Variants in CERS5 observed in about 807,000 individuals in gnomAD.
The protein encoded by CERS5 is ceramide synthase 5.
A neutral mutation model predicts 58.9 loss-of-function variants in CERS5; 37 were observed. The ratio of observed to expected loss-of-function variants is 0.63; its 90% CI spans 0.48 to 0.83. The LOEUF is 0.83. Among genes scored for constraint, CERS5 ranks in the 40% least tolerant of loss-of-function variants. The probability of loss-of-function intolerance (pLI) is 0.00; values close to 1 mark genes in which losing one functional copy is unlikely to be tolerated. For synonymous variants in CERS5, 147 were observed against 177.8 expected (o/e 0.83, Z 1.38); for missense variants, 398 against 489.3 (o/e 0.81, Z 1.76).
chr12:50,159,117 A>T (rs975307501), intron 1 of CERS5, among the ~76,000 whole-genome samples: 6 of 152,098 alleles, frequency 3.9e-5, no homozygotes, highest in Admixed American at 2.6e-4. Flanking sequence ...GTCAGGAGAT[A>T]GAGACCATCC....
intron 1 of CERS5, among the ~76,000 whole-genome samples, chr12:50,157,375 G>GA (rs978463259): frequency 2.9e-4 from 44 of 150,236 alleles, no homozygotes; most frequent in South Asian, 6.3e-4. Flanking sequence ...AGGAAAATTA[G>GA]AAAAAAAAAC....
intron 9 of CERS5, chr12:50,132,951 GATACACTTAC>G: frequency 7.8e-7 from 1 of 1,288,996 alleles, no homozygotes; most frequent in Non-Finnish European, 1.0e-6. Flanking sequence ...TAGAAGCACA[GATACACTTAC>G]ATGCAAGAGA....
chr12:50,162,766 G>A (rs927474841), intron 1 of CERS5, among the ~76,000 whole-genome samples: 1 of 152,106 alleles, frequency 6.6e-6, no homozygotes, highest in African/African-American at 2.4e-5. Context: ...ATCACGCCCA[G>A]CTAATTTTTG....
At position 50,136,040 on chromosome 12, in the gene CERS5, C is replaced by A; in HGVS notation, c.666G>T (p.Leu222Phe). 1 of 1,503,526 alleles carries A rather than the reference C, an allele frequency of 6.7e-7. No homozygotes were observed. 93.1% of individuals were successfully genotyped at this position (1,503,526 alleles called of 1,614,324 possible). Residue 222 changes from leucine (L) to phenylalanine (F), a missense_variant, in exon 7 of 10, where the codon TTG (leucine) becomes TTT (phenylalanine). Leu to Phe is a conservative substitution (Grantham distance 22). Transcript: ENST00000317551. ...KDFLIMFVHH[L>F]VTIGLISFSY... ...AGAAGGAGATAAGCCCAATGGTGAC[C>A]AAGTGATGCACAAACATGATCAGGA...
chr12:50,154,917 G>A (rs1250743926), intron 1 of CERS5, among the ~76,000 whole-genome samples: 2 of 152,108 alleles, frequency 1.3e-5, no homozygotes, highest in African/African-American at 4.8e-5. Context: ...GGAGTGCAGT[G>A]GCGCTATCTT....
intron 9 of CERS5, among the ~76,000 whole-genome samples, chr12:50,131,415 C>T (rs530367454): frequency 7.9e-5 from 12 of 151,760 alleles, no homozygotes; most frequent in East Asian, 2.0e-4. Flanking sequence ...AAAAATTAGC[C>T]GGGTGTGGTG....
chr12:50,133,848 C>T, intron 9 of CERS5: 10 of 754,592 alleles, frequency 1.3e-5, no homozygotes, highest in Non-Finnish European at 1.6e-5. Context: ...CCAAGGTGGG[C>T]AGATCACAAG....
intron 1 of CERS5, among the ~76,000 whole-genome samples, chr12:50,148,918 AAAAAAAAAAATAT>A (rs1478218207): frequency 9.8e-6 from 1 of 101,678 alleles, no homozygotes; most frequent in African/African-American, 4.1e-5. Flanking sequence ...AAAAAAAAAA[AAAAAAAAAAATAT>A]ATATATATAT....
intron 1 of CERS5, among the ~76,000 whole-genome samples, chr12:50,148,094 G>A (rs1010919884): frequency 2.0e-5 from 3 of 151,958 alleles, no homozygotes; most frequent in Admixed American, 6.6e-5. Flanking sequence ...CTTGAGCCCA[G>A]GAGTTTGAGA....
At chr12:50,161,515 G>C (rs903435350) in intron 1 of CERS5, among the ~76,000 whole-genome samples, 4 of 152,062 alleles carry the variant, frequency 2.6e-5, no homozygotes, top group Admixed American at 6.6e-5. Flanking sequence ...GGTGGCTCAC[G>C]CCTGTAATCC....
At chr12:50,155,736 CAAAAAAAAAAAAA>C (rs146913126) in intron 1 of CERS5, among the ~76,000 whole-genome samples, 1 of 21,476 alleles carries the variant, frequency 4.7e-5, no homozygotes, top group African/African-American at 2.0e-4. Context: ...GACTCCATCT[CAAAAAAAAAAAAA>C]AAAAAAAAAA....
chr12:50,141,960 A>AAAAAAAAAAAAAACT, intron 4 of CERS5, 93 bp downstream of exon 4: 2 of 768,518 alleles, frequency 2.6e-6, no homozygotes, highest in Non-Finnish European at 4.2e-6. Flanking sequence ...AAAAAAAAAG[A>AAAAAAAAAAAAAACT]AAAGAAAAAA....
Position 50,167,172 on chromosome 12 carries a change from G to C in CERS5, c.126C>G (p.Pro42=). 6.2e-7 allele frequency: 1 copy of C among 1,601,980 alleles called. No individual in the cohort carries two copies. Residue 42 remains proline (P), a synonymous_variant, in exon 1 of 10, where the codon CCC becomes CCG. Transcript: ENST00000317551. ...LEGPADGYGY[P]RGRHILSVFP... is the part of the protein sequence containing the mutation. ...ACACCGAGAGGATGTGCCGGCCGCGGGGGTAACCGTAGCCGTCGGCCGGCC... is the reference window on the plus strand; with the variant it reads ...ACACCGAGAGGATGTGCCGGCCGCGCGGGTAACCGTAGCCGTCGGCCGGCC...
chr12:50,130,482 A>C lies in CERS5; in HGVS notation c.*63T>G. 1 of 1,428,344 alleles carries C rather than the reference A, an allele frequency of 7.0e-7. No homozygotes were observed. The highest frequency in any genetic ancestry group is 9.5e-7 in the Non-Finnish European group (1 of 1,054,030). The allele number at this position is 1,428,344 out of a possible 1,614,324, so 88.5% of individuals were successfully genotyped here. A position where few individuals can be genotyped will look rare whatever the true frequency, so the allele number is the denominator to read the frequency against. On this transcript the variant is annotated 3_prime_UTR_variant, in exon 10 of 10. Transcript: ENST00000317551. Reference sequence around the variant, plus strand: ...AGAAGAGTAGATATGGGAAGGGCCAAGAGGAGTATGTTGCCAGTGGCCCTA... The same window carrying C: ...AGAAGAGTAGATATGGGAAGGGCCACGAGGAGTATGTTGCCAGTGGCCCTA...
chr12:50,138,687 A>C, intron 4 of CERS5, 70 bp from the exon 5 acceptor site: 1 of 1,348,914 alleles, frequency 7.4e-7, no homozygotes, highest in East Asian at 2.3e-5. Context: ...ACCTCATATA[A>C]TCCCCTTCTC....
chr12:50,151,400 C>A (rs1206872784), intron 1 of CERS5, among the ~76,000 whole-genome samples: 2 of 152,132 alleles, frequency 1.3e-5, no homozygotes, highest in African/African-American at 2.4e-5. Context: ...ACATTAATGA[C>A]TAATCTCCTT....
chr12:50,161,581 G>A (rs1028451989), intron 1 of CERS5, among the ~76,000 whole-genome samples: 3 of 151,744 alleles, frequency 2.0e-5, no homozygotes, highest in African/African-American at 7.3e-5. Flanking sequence ...GTTCAAGACC[G>A]GCCTGGCCAA....
intron 9 of CERS5, chr12:50,133,276 G>C: frequency 2.7e-6 from 3 of 1,100,994 alleles, no homozygotes; most frequent in Non-Finnish European, 3.4e-6. Context: ...TATTCCTTTA[G>C]GCTGAAATCC....
At chr12:50,141,097 T>A (rs571401078) in intron 4 of CERS5, among the ~76,000 whole-genome samples, 129 of 152,212 alleles carry the variant, frequency 8.5e-4, no homozygotes, top group Non-Finnish European at 1.5e-3. Flanking sequence ...GTCACCCAGG[T>A]TGGAATGTAG....
Sources: gnomAD v4.1 joint callset for allele counts (sites outside exome capture counted in the v4.1 genomes callset) on GRCh38, gnomAD v4.1.1 for gene constraint, MANE v1.5 for transcripts, NCBI Gene and HGNC (gene_info 2026-07-23, HGNC 2026-07-21) for gene names.